The following TENM3 variants were observed in gnomAD, a reference collection of about 807,000 sequenced individuals.
TENM3 encodes the protein teneurin transmembrane protein 3.
Under a neutral mutation model 255.1 loss-of-function variants are expected in TENM3, and 63 were observed. The ratio of observed to expected loss-of-function variants is 0.25; its 90% confidence interval spans 0.20 to 0.30. The LOEUF (loss-of-function observed/expected upper bound fraction) is 0.30, where lower values mean the gene tolerates loss of function less well. Among genes scored for constraint, TENM3 ranks in the 10% least tolerant of loss-of-function variants. TENM3 has a pLI of 1.00. For missense variants in TENM3, 2,929 were observed against 3,461.1 expected (o/e 0.85, Z 3.86); for synonymous variants, 1,306 against 1,322.3 (o/e 0.99, Z 0.27).
the TENM3 span, among the ~76,000 whole-genome samples, chr4:181,828,025 C>T: frequency 1.3e-5 from 2 of 152,200 alleles, no homozygotes; most frequent in African/African-American, 4.8e-5. Context: ...AAAGAGAGTT[C>T]TGCCTGCTTG....
chr4:182,334,936 C>T (rs1252034327), intron 2 of TENM3, among the ~76,000 whole-genome samples: 1 of 152,078 alleles, frequency 6.6e-6, no homozygotes, highest in Non-Finnish European at 1.5e-5. Context: ...TTATAAAACA[C>T]GAAGTCCAGA....
At chr4:181,679,381 T>G in the TENM3 span, among the ~76,000 whole-genome samples, 3 of 131,134 alleles carry the variant, frequency 2.3e-5, no homozygotes, top group Non-Finnish European at 4.8e-5. Flanking sequence ...TAATTTGGCT[T>G]AAGTTTTTTT....
At chr4:182,580,637 A>G (rs1032131185) in intron 3 of TENM3, among the ~76,000 whole-genome samples, 6 of 152,162 alleles carry the variant, frequency 3.9e-5, no homozygotes, top group Non-Finnish European at 8.8e-5. Flanking sequence ...TGTTTTCATT[A>G]TGCTAGTCTC....
At chr4:181,660,005 T>G in the TENM3 span, among the ~76,000 whole-genome samples, 4 of 152,304 alleles carry the variant, frequency 2.6e-5, no homozygotes, top group South Asian at 8.3e-4. Context: ...AAGACGGCTC[T>G]GCGGTGGTCC....
intron 1 of TENM3, among the ~76,000 whole-genome samples, chr4:182,276,192 C>T (rs1000281362): frequency 6.6e-6 from 1 of 152,162 alleles, no homozygotes; most frequent in Non-Finnish European, 1.5e-5. Context: ...ACAGAAATAT[C>T]AGTAACATTG....
At chr4:182,528,996 A>G (rs1292990838) in intron 3 of TENM3, among the ~76,000 whole-genome samples, 1 of 152,168 alleles carries the variant, frequency 6.6e-6, no homozygotes, top group African/African-American at 2.4e-5. Flanking sequence ...TTAACGCATG[A>G]TCGTTCTCTG....
At chr4:181,820,464 G>A in the TENM3 span, among the ~76,000 whole-genome samples, 15 of 148,972 alleles carry the variant, frequency 1.0e-4, no homozygotes, top group South Asian at 8.6e-4. Flanking sequence ...TAATGGGCAC[G>A]TTTAACTAGA....
At chr4:182,330,131 T>C (rs139559631) in intron 2 of TENM3, among the ~76,000 whole-genome samples, 127 of 152,308 alleles carry the variant, frequency 8.3e-4, no homozygotes, top group Non-Finnish European at 1.6e-3. Flanking sequence ...GAAAGATTTC[T>C]TTTCCCATGC....
chr4:181,641,726 ATAAAT>A, the TENM3 span, among the ~76,000 whole-genome samples: 1 of 124,810 alleles, frequency 8.0e-6, no homozygotes, highest in Non-Finnish European at 1.6e-5. Context: ...TATATGTATA[ATAAAT>A]TATATATATA....
At chr4:181,697,585 G>A in the TENM3 span, among the ~76,000 whole-genome samples, 2 of 151,868 alleles carry the variant, frequency 1.3e-5, no homozygotes, top group African/African-American at 4.8e-5. Context: ...GTAGAGAAGG[G>A]GTTTCACCAT....
chr4:181,497,870 T>TA, the TENM3 span, among the ~76,000 whole-genome samples: 1 of 152,150 alleles, frequency 6.6e-6, no homozygotes, highest in Admixed American at 6.5e-5. Context: ...GGTATTCCAC[T>TA]AAAAAGAAAA....
At chr4:182,380,351 G>A (rs1458748600) in intron 3 of TENM3, among the ~76,000 whole-genome samples, 1 of 152,178 alleles carries the variant, frequency 6.6e-6, no homozygotes, top group South Asian at 2.1e-4. Flanking sequence ...TTCAGCTAGA[G>A]TAAAGTGAGA....
intron 20 of TENM3, among the ~76,000 whole-genome samples, chr4:182,753,219 A>G (rs1196243214): frequency 6.6e-6 from 1 of 152,132 alleles, no homozygotes; most frequent in Non-Finnish European, 1.5e-5. Context: ...AAGTGCTAGG[A>G]TTGCAGGCGT....
At chr4:182,384,712 C>G (rs1352565416) in intron 3 of TENM3, among the ~76,000 whole-genome samples, 3 of 152,092 alleles carry the variant, frequency 2.0e-5, no homozygotes, top group African/African-American at 7.2e-5. Flanking sequence ...GCAGCCTTCC[C>G]TTGTCTCTGC....
intron 3 of TENM3, among the ~76,000 whole-genome samples, chr4:182,499,056 C>T (rs984528129): frequency 2.0e-5 from 3 of 152,060 alleles, no homozygotes; most frequent in Non-Finnish European, 1.5e-5. Context: ...CTGGTAGAAG[C>T]CTGAAAATAA....
At chr4:181,791,132 A>G in the TENM3 span, among the ~76,000 whole-genome samples, 1 of 152,228 alleles carries the variant, frequency 6.6e-6, no homozygotes, top group Non-Finnish European at 1.5e-5. Context: ...CTCAGGGGCT[A>G]GATAATTTGC....
intron 3 of TENM3, among the ~76,000 whole-genome samples, chr4:182,492,014 A>G (rs979363052): frequency 1.3e-5 from 2 of 152,174 alleles, no homozygotes; most frequent in African/African-American, 4.8e-5. Flanking sequence ...GACTGCATCT[A>G]CCCAGCAGGT....
the TENM3 span, among the ~76,000 whole-genome samples, chr4:181,529,694 A>G: frequency 6.6e-6 from 1 of 152,234 alleles, no homozygotes; most frequent in South Asian, 2.1e-4. Context: ...CAAGTATTGC[A>G]TTTACACTCA....
chr4:182,665,632 A>G (rs1419422209), intron 6 of TENM3, among the ~76,000 whole-genome samples: 2 of 152,210 alleles, frequency 1.3e-5, no homozygotes, highest in African/African-American at 4.8e-5. Context: ...ACGGTGGCTC[A>G]CACCTGTAAT....
Sources: gnomAD v4.1 joint callset for allele counts (sites outside exome capture counted in the v4.1 genomes callset) on GRCh38, gnomAD v4.1.1 for gene constraint, MANE v1.5 for transcripts, NCBI Gene and HGNC (gene_info 2026-07-23, HGNC 2026-07-21) for gene names.